CNTN4: variants seen among roughly 807,000 people sequenced by gnomAD.
CNTN4 encodes the protein contactin 4.
A neutral mutation model predicts 122.5 loss-of-function variants in CNTN4; 77 were observed. The observed-to-expected ratio is 0.63, with a 90% confidence interval of 0.52 to 0.76. CNTN4 has a LOEUF of 0.76. Ranked by LOEUF, CNTN4 falls within the 30% of genes least tolerant of loss-of-function variation. The pLI is 0.00. For missense variants in CNTN4, 1,256 were observed against 1,259.1 expected, an observed-to-expected ratio of 1.00 and a Z score of 0.04; for synonymous variants, 512 against 447.0, an observed-to-expected ratio of 1.15 and a Z score of -1.83.
chr3:2,234,683 A>C lies in CNTN4; in HGVS notation c.-144-104495A>C, dbSNP rs866752874. 1.5e-4 allele frequency among the ~76,000 whole-genome samples: 22 copies of C among 151,410 alleles called. 1 individual carries two copies. The highest frequency in any genetic ancestry group is 5.1e-4 in the African/African-American group (21 of 41,566). ...ATTGTTGATTGCCTTTGTCATAAAG[A>C]AATTTTATTTGAATCTTTATCAGCG... On this transcript the variant is annotated intron_variant, in intron 2 of 24. Transcript: ENST00000418658.
chr3:2,370,174 G>C (rs1575481327), intron 3 of CNTN4, among the ~76,000 whole-genome samples: 1 of 152,090 alleles, frequency 6.6e-6, no homozygotes, highest in Non-Finnish European at 1.5e-5. Flanking sequence ...GGCCAGCAGA[G>C]AGCTTAGTTA....
chr3:2,970,970 A>C (rs1290271709), intron 13 of CNTN4, among the ~76,000 whole-genome samples: 1 of 151,656 alleles, frequency 6.6e-6, no homozygotes, highest in Non-Finnish European at 1.5e-5. Context: ...CATTTTTCAT[A>C]AAGACAGGGT....
In CNTN4 at chr3:2,257,171, A is replaced by G. The variant is rs113644918; in HGVS notation, c.-144-82007A>G. On this transcript the variant is annotated intron_variant, in intron 2 of 24. Coordinates refer to ENST00000418658, the MANE Select transcript of CNTN4 (RefSeq NM_175607.3). ...CCATCTGATCTTTGACTAACCTGAG[A>G]AAGACAAGCAATGGGGAAAAAATTC... is the stretch of plus-strand genomic sequence containing the variant. Among the ~76,000 whole-genome samples the G allele has an allele frequency of 8.6e-3, 1,313 of 152,274 alleles. 10 individuals carry two copies. The highest frequency in any genetic ancestry group is 0.014 in the Non-Finnish European group (924 of 68,028).
At chr3:2,110,195 G>A (rs189423027) in intron 2 of CNTN4, among the ~76,000 whole-genome samples, 1 of 152,168 alleles carries the variant, frequency 6.6e-6, no homozygotes, top group African/African-American at 2.4e-5. Flanking sequence ...TCCTTGTTTT[G>A]TCTCTTACTA....
At chr3:2,932,941 G>C (rs2094535886) in intron 13 of CNTN4, among the ~76,000 whole-genome samples, 1 of 152,046 alleles carries the variant, frequency 6.6e-6, no homozygotes, top group South Asian at 2.1e-4. Context: ...TCTTGCCTCA[G>C]CCTCCCGAGT....
At chr3:2,928,500 A>T (rs1205674343) in intron 13 of CNTN4, among the ~76,000 whole-genome samples, 1 of 152,200 alleles carries the variant, frequency 6.6e-6, no homozygotes, top group Non-Finnish European at 1.5e-5. Context: ...GTAGACCAAC[A>T]TGAAGTGCAA....
At chr3:2,259,389 A>G (rs990287926) in intron 2 of CNTN4, among the ~76,000 whole-genome samples, 1 of 152,204 alleles carries the variant, frequency 6.6e-6, no homozygotes, top group African/African-American at 2.4e-5. Context: ...TGGGGAAACT[A>G]ATCTCAGAGT....
At chr3:2,639,121 T>G (rs1374840380) in intron 4 of CNTN4, among the ~76,000 whole-genome samples, 1 of 152,200 alleles carries the variant, frequency 6.6e-6, no homozygotes, top group Non-Finnish European at 1.5e-5. Context: ...ACAACATTCT[T>G]TTTTTTCTTC....
rs529809528 is a variant in CNTN4 at position 2,726,478 on chromosome 3, C to G, written c.56-9737C>G. Among the ~76,000 whole-genome samples the G allele has an allele frequency of 3.9e-5, 6 of 152,300 alleles. No homozygotes were observed. In the South Asian group the frequency reaches 1.2e-3, roughly 32 times the overall value. ...TTCACCAAAGAAAGAGTAGAATGCT[C>G]TTACCTAATGAGGAGCAGTGGATAC... On this transcript the variant is annotated intron_variant, in intron 4 of 24. Transcript: ENST00000418658.
chr3:2,342,260 A>G (rs1373438292), intron 3 of CNTN4, among the ~76,000 whole-genome samples: 2 of 152,156 alleles, frequency 1.3e-5, no homozygotes, highest in Non-Finnish European at 2.9e-5. Context: ...AGGTTACTTT[A>G]TTAATGCTAG....
chr3:2,116,446 A>G (rs1377539639), intron 2 of CNTN4, among the ~76,000 whole-genome samples: 1 of 152,100 alleles, frequency 6.6e-6, no homozygotes, highest in Non-Finnish European at 1.5e-5. Flanking sequence ...TTGGAAGAAA[A>G]TAAAATTTCA....
In CNTN4 at chr3:2,561,392, A is replaced by G. The variant is rs983009870; in HGVS notation, c.-88-10024A>G. On this transcript the variant is annotated intron_variant, in intron 3 of 24. Coordinates refer to ENST00000418658, the MANE Select transcript of CNTN4 (RefSeq NM_175607.3). ...GAGTTTGCAAAGTTTACTTCCCAGTACCCAGAAAGCATGGGAAAGAGCAGG... is the reference window on the plus strand; with the variant it reads ...GAGTTTGCAAAGTTTACTTCCCAGTGCCCAGAAAGCATGGGAAAGAGCAGG... Among the ~76,000 whole-genome samples, 6 of 152,268 alleles carry G rather than the reference A, an allele frequency of 3.9e-5. 1 individual carries two copies. Among genetic ancestry groups the G allele is most frequent in the African/African-American group, 1.4e-4 (6 of 41,554 alleles).
intron 2 of CNTN4, among the ~76,000 whole-genome samples, chr3:2,291,203 T>A (rs185007214): frequency 1.3e-5 from 2 of 152,180 alleles, no homozygotes; most frequent in African/African-American, 4.8e-5. Context: ...CCTAACTACA[T>A]TATAATTTTT....
chr3:2,539,544 G>A (rs1015598444), intron 3 of CNTN4, among the ~76,000 whole-genome samples: 15 of 152,134 alleles, frequency 9.9e-5, no homozygotes, highest in African/African-American at 2.2e-4. Flanking sequence ...TATAAATCCC[G>A]AAGAGATTGA....
At chr3:2,710,775 G>A (rs1321999154) in intron 4 of CNTN4, among the ~76,000 whole-genome samples, 1 of 152,184 alleles carries the variant, frequency 6.6e-6, no homozygotes, top group Non-Finnish European at 1.5e-5. Context: ...CTTTCTGAGT[G>A]ATAGTTTATG....
chr3:2,810,391 A>C lies in CNTN4; in HGVS notation c.359-9095A>C, dbSNP rs531727539. On this transcript the variant is annotated intron_variant, in intron 6 of 24. Transcript: ENST00000418658. ...CTTAACATGTAATATTGATTATGCT[A>C]TTTTTAATTCTTGCCTAGGTTTTGT... 1.4e-4 allele frequency among the ~76,000 whole-genome samples: 21 copies of C among 152,302 alleles called. 1 individual carries two copies. Among genetic ancestry groups the C allele is most frequent in the Admixed American group, 9.8e-4 (15 of 15,294 alleles).
At chr3:2,550,099 A>G (rs760516918) in intron 3 of CNTN4, among the ~76,000 whole-genome samples, 6 of 151,954 alleles carry the variant, frequency 3.9e-5, no homozygotes, top group African/African-American at 9.7e-5. Flanking sequence ...TTTTCTTCTT[A>G]TTAGTCTGGC....
intron 4 of CNTN4, among the ~76,000 whole-genome samples, chr3:2,727,574 C>G (rs565852170): frequency 6.6e-6 from 1 of 152,294 alleles, no homozygotes; most frequent in Admixed American, 6.5e-5. Context: ...CTGTTCTTTT[C>G]CACGCCTAAA....
At chr3:2,517,914 G>C (rs561979413) in intron 3 of CNTN4, among the ~76,000 whole-genome samples, 1 of 152,076 alleles carries the variant, frequency 6.6e-6, no homozygotes, top group Non-Finnish European at 1.5e-5. Flanking sequence ...GTAATTTAAG[G>C]TGTGTGACTC....
Sources: allele counts gnomAD v4.1 joint callset (sites outside exome capture counted in the v4.1 genomes callset), GRCh38; gene constraint gnomAD v4.1.1; transcripts MANE v1.5; gene names NCBI Gene and HGNC (gene_info 2026-07-23, HGNC 2026-07-21).